The following ATP2B3 variants were observed in gnomAD, a reference collection of about 807,000 sequenced individuals.
The protein encoded by ATP2B3 is plasma membrane calcium-transporting ATPase 3.
Under a neutral mutation model 70.8 loss-of-function variants are expected in ATP2B3, and 12 were observed. The ratio of observed to expected loss-of-function variants is 0.17; its 90% confidence interval spans 0.11 to 0.27. The LOEUF (loss-of-function observed/expected upper bound fraction) is 0.27, where lower values mean the gene tolerates loss of function less well. ATP2B3 is among the 10% of genes least tolerant of loss of function. The pLI, the probability that ATP2B3 is intolerant of heterozygous loss-of-function variation, is 1.00. For synonymous variants in ATP2B3, 460 were observed against 497.8 expected (o/e 0.92, Z 1.01); for missense variants, 858 against 1,118.5 (o/e 0.77, Z 3.32).
At position 153,564,998 on chromosome X, in the gene ATP2B3, C is replaced by T. The variant is rs782321390; in HGVS notation, c.3237C>T (p.Thr1079=). The change falls in exon 21 of 22, where the codon ACC becomes ACT. Residue 1079 remains threonine, a synonymous_variant. Transcript: ENST00000263519. ...AGHGPGKDEM[T]DEELAEGEEE... ...ACGGGCCCGGGAAGGACGAGATGAC[C>T]GACGAGGAGCTGGCCGAAGGCGAGG... 1.8e-5 allele frequency: 22 copies of T among 1,199,242 alleles called. No homozygotes were observed. In the South Asian group the frequency reaches 2.7e-4, roughly 15 times the overall value.
intron 3 of ATP2B3, among the ~76,000 whole-genome samples, chrX:153,539,574 G>T (rs1308328074): frequency 8.8e-6 from 1 of 113,411 alleles, no homozygotes; most frequent in Non-Finnish European, 1.9e-5. Flanking sequence ...ATGGGCTGGG[G>T]CTGGGCTCTC....
chrX:153,545,638 T>C (rs2090353778), intron 7 of ATP2B3, among the ~76,000 whole-genome samples: 3 of 112,722 alleles, frequency 2.7e-5, no homozygotes, highest in Non-Finnish European at 5.6e-5. Flanking sequence ...CACACTGAGC[T>C]AACTGCTGGA....
rs199607295 is a variant in ATP2B3, at chrX:153,556,206, G to A, written c.2216G>A (p.Arg739Gln). 3.3e-6 allele frequency: 4 copies of A among 1,208,277 alleles called. No homozygotes were observed. The highest frequency in any genetic ancestry group is 1.8e-5 in the South Asian group (1 of 56,515). The change falls in exon 14 of 22, where the codon CGG becomes CAG. Residue 739 changes from arginine (R) to glutamine (Q), a missense_variant. By Grantham distance (43) the Arg-to-Gln change is conservative (BLOSUM62 1). Around this residue, in one of 5 missense-constraint regions of ATP2B3, gnomAD observed 242 missense variants for 281.3 expected, o/e 0.86. Transcript: ENST00000263519. Reference sequence around the variant, plus strand: ...CTAGAAGGGAAGGAGTTCAACCGGCGGATCCGCAATGAGAAAGGCGAGGTA... The same window carrying A: ...CTAGAAGGGAAGGAGTTCAACCGGCAGATCCGCAATGAGAAAGGCGAGGTA... ...LCLEGKEFNR[R>Q]IRNEKGEIEQ...
At chrX:153,527,377 T>G (rs2090050359) in intron 2 of ATP2B3, among the ~76,000 whole-genome samples, 1 of 113,119 alleles carries the variant, frequency 8.8e-6, no homozygotes, top group Admixed American at 9.2e-5. Context: ...TCGGGGCTGC[T>G]GGGCAGGCCC....
At chrX:153,520,415 A>G (rs2089943238) in intron 2 of ATP2B3, among the ~76,000 whole-genome samples, 1 of 112,529 alleles carries the variant, frequency 8.9e-6, no homozygotes, top group African/African-American at 3.2e-5. Flanking sequence ...AGAGCAAGTC[A>G]TCAGCACATA....
rs1468997436 is a variant in ATP2B3 at position 153,545,091 on chromosome X, TC to T, written c.917-996del. On this transcript the variant is annotated intron_variant, in intron 7 of 21. Coordinates refer to ENST00000263519, the MANE Select transcript of ATP2B3 (RefSeq NM_001001344.3). ...ATGCCCCACCCCTGGCTGAGTAGGG[TC>T]GGGGGGGGGGCCCTCCCTGCTCCCT... Among the ~76,000 whole-genome samples, 5 of 37,342 alleles carry T rather than the reference TC, an allele frequency of 1.3e-4. No homozygotes were observed. The Admixed American group carries it at 1.4e-3, about 10-fold the overall frequency. 32.4% of individuals were successfully genotyped at this position (37,342 alleles called of 115,157 possible). A position where few individuals can be genotyped will look rare whatever the true frequency, so the allele number is the denominator to read the frequency against.
intron 2 of ATP2B3, among the ~76,000 whole-genome samples, chrX:153,535,904 C>A (rs1163835200): frequency 8.9e-6 from 1 of 112,947 alleles, no homozygotes; most frequent in Non-Finnish European, 1.9e-5. Context: ...GCAAGCCCTC[C>A]AGGTTCTGGG....
At chrX:153,562,786 T>C (rs2090643695) in intron 20 of ATP2B3, among the ~76,000 whole-genome samples, 1 of 112,321 alleles carries the variant, frequency 8.9e-6, no homozygotes, top group Non-Finnish European at 1.9e-5. Context: ...CCGACTGCCA[T>C]AGCAAAATAC....
At chrX:153,550,926 T>C (rs1413411854) in intron 12 of ATP2B3, among the ~76,000 whole-genome samples, 3 of 112,069 alleles carry the variant, frequency 2.7e-5, no homozygotes, top group Admixed American at 1.9e-4. Flanking sequence ...GGCTGAGTAA[T>C]ATCCATTGTA....
At chrX:153,575,999 C>T (rs1332718691) in intron 21 of ATP2B3, among the ~76,000 whole-genome samples, 13 of 111,974 alleles carry the variant, frequency 1.2e-4, no homozygotes, top group African/African-American at 4.2e-4. Flanking sequence ...GGGGAGTCCT[C>T]CAGCCCAACC....
rs781796492 is a variant in ATP2B3 at position 153,560,747 on chromosome X, A to G, written c.2911A>G (p.Ile971Val). Residue 971 changes from isoleucine to valine, a missense_variant, in exon 19 of 22, where the codon ATC (isoleucine) becomes GTC (valine). Around this residue, in one of 5 missense-constraint regions of ATP2B3, gnomAD observed 265 missense variants for 305.3 expected, o/e 0.87. Transcript: ENST00000263519. ...LHSPPSEHYT[I>V]IFNTFVMMQL... ...CTCGCCACCCTCAGAGCACTACACC[A>G]TCATCTTCAACACGTTCGTCATGAT... The G allele has an allele frequency of 8.3e-7, 1 of 1,210,391 alleles. No individual in the cohort carries two copies. Among genetic ancestry groups the G allele is most frequent in the East Asian group, 3.0e-5 (1 of 33,766 alleles).
chrX:153,552,316 C>G (rs2090469825), intron 12 of ATP2B3, among the ~76,000 whole-genome samples: 1 of 112,087 alleles, frequency 8.9e-6, no homozygotes, highest in Admixed American at 9.4e-5. Flanking sequence ...GGCTCTCCGT[C>G]CACACAGCTT....
chrX:153,580,633 T>G lies in ATP2B3; in HGVS notation c.*335T>G. 4.5e-6 allele frequency: 1 copy of G among 221,430 alleles called. No homozygotes were observed. The highest frequency in any genetic ancestry group is 7.7e-5 in the East Asian group (1 of 12,965). 18.2% of individuals were successfully genotyped at this position (221,430 alleles called of 1,213,427 possible). ...AGTGCGAAGAGCTGAGTTCCCCACCTTTTTTTCTATTGATGCTTCTTTTTT... is the reference window on the plus strand; with the variant it reads ...AGTGCGAAGAGCTGAGTTCCCCACCGTTTTTTCTATTGATGCTTCTTTTTT... On this transcript the variant is annotated 3_prime_UTR_variant, in exon 22 of 22. Coordinates refer to ENST00000263519, the MANE Select transcript of ATP2B3 (RefSeq NM_001001344.3).
At chrX:153,575,421 G>A (rs900763430) in intron 21 of ATP2B3, among the ~76,000 whole-genome samples, 18 of 112,672 alleles carry the variant, frequency 1.6e-4, no homozygotes, top group Non-Finnish European at 1.1e-4. Flanking sequence ...GGTGTGGGGT[G>A]CAGCCACAGC....
intron 7 of ATP2B3, 21 bp from the exon 8 acceptor site, chrX:153,546,067 G>C (rs782554772): frequency 8.3e-7 from 1 of 1,211,226 alleles, no homozygotes; most frequent in Non-Finnish European, 1.1e-6. Context: ...CTTCGTGTCT[G>C]TCATCCCTCT....
chrX:153,570,125 C>T (rs2090766634), intron 21 of ATP2B3, among the ~76,000 whole-genome samples: 1 of 112,494 alleles, frequency 8.9e-6, no homozygotes, highest in African/African-American at 3.2e-5. Context: ...GGGCCTTGCT[C>T]AGTGTTCAGT....
In ATP2B3 at chrX:153,541,802, G is replaced by A. The variant is rs782483592; in HGVS notation, c.540G>A (p.Lys180=). Residue 180 remains lysine (K), a synonymous_variant, in exon 5 of 22, where the codon AAG becomes AAA. Transcript: ENST00000263519. ...VTAFNDWSKE[K]QFRGLQSRIE... ...CCTTCAATGACTGGAGCAAGGAGAA[G>A]CAGTTCCGAGGCCTGCAGAGCCGAA... is the stretch of plus-strand genomic sequence containing the variant. 4.5e-5 allele frequency: 54 copies of A among 1,209,957 alleles called. No homozygotes were observed. The highest frequency in any genetic ancestry group is 5.6e-5 in the Non-Finnish European group (50 of 895,204).
At position 153,556,205 on chromosome X, in the gene ATP2B3, C is replaced by A. The variant is rs782475118; in HGVS notation, c.2215C>A (p.Arg739=). Residue 739 remains arginine (R), a synonymous_variant, in exon 14 of 22, where the codon CGG becomes AGG. Coordinates refer to ENST00000263519, the MANE Select transcript of ATP2B3 (RefSeq NM_001001344.3). ...LCLEGKEFNR[R]IRNEKGEIEQ... ...CCTAGAAGGGAAGGAGTTCAACCGG[C>A]GGATCCGCAATGAGAAAGGCGAGGT... The A allele has an allele frequency of 2.5e-6, 3 of 1,209,400 alleles. No individual in the cohort carries two copies. The highest frequency in any genetic ancestry group is 2.2e-5 in the Admixed American group (1 of 46,038).
rs150817095 is a variant in ATP2B3 at position 153,523,212 on chromosome X, A to C, written c.-127+4661A>C. Among the ~76,000 whole-genome samples, 488 of 112,705 alleles carry C rather than the reference A, an allele frequency of 4.3e-3. 3 individuals are homozygous for C. Among genetic ancestry groups the C allele is most frequent in the African/African-American group, 0.014 (449 of 31,049 alleles). ...AAAGCAGTAAGTGCTTATTGCAAAA[A>C]GAAAGAATGATCTTGAACCATGCAA... On this transcript the variant is annotated intron_variant, in intron 2 of 21. Transcript: ENST00000263519.
Sources: gnomAD v4.1 joint callset for allele counts (sites outside exome capture counted in the v4.1 genomes callset) on GRCh38, gnomAD v4.1.1 for gene constraint, gnomAD v4.1.1 regional missense constraint, MANE v1.5 for transcripts, NCBI Gene and HGNC (gene_info 2026-07-23, HGNC 2026-07-21) for gene names.